Variants in EIF2S1 observed in about 807,000 individuals in gnomAD.
EIF2S1 encodes eukaryotic translation initiation factor 2 subunit 1.
A neutral mutation model predicts 33.5 loss-of-function variants in EIF2S1; 5 were observed. The observed-to-expected ratio is 0.15, with a 90% CI of 0.08 to 0.31. The LOEUF is 0.31. EIF2S1 is among the 10% of genes least tolerant of loss of function. EIF2S1 has a pLI of 1.00. For synonymous variants in EIF2S1, 99 were observed against 127.5 expected, an observed-to-expected ratio of 0.78 and a Z score of 1.51; for missense variants, 191 against 384.6, an observed-to-expected ratio of 0.50 and a Z score of 4.21.
At chr14:67,364,365 C>T (rs1379351124) in intron 1 of EIF2S1, 1 of 160,288 alleles carries the variant, frequency 6.2e-6, no homozygotes, top group Non-Finnish European at 1.4e-5. Flanking sequence ...TGTTTGCTCA[C>T]TTCGGCAAAG....
At chr14:67,373,932 A>T (rs1235249042) in intron 2 of EIF2S1, among the ~76,000 whole-genome samples, 2 of 151,822 alleles carry the variant, frequency 1.3e-5, no homozygotes, top group Non-Finnish European at 2.9e-5. Context: ...GAATTTTCCT[A>T]TTCTGGAGAA....
chr14:67,360,413 A>C lies in EIF2S1; in HGVS notation c.-45A>C, dbSNP rs568772373. On this transcript the variant is annotated 5_prime_UTR_variant, in exon 1 of 8. Coordinates refer to ENST00000256383, the MANE Select transcript of EIF2S1 (RefSeq NM_004094.5). ...CAAGTCTGGTCTCTGTGATTGAAGA[A>C]GTCGGCTCTGGGCTCCAGTGCGGGA... The C allele has an allele frequency of 2.5e-6, 1 of 394,014 alleles. No individual in the cohort carries two copies. The highest frequency in any genetic ancestry group is 2.1e-5 in the African/African-American group (1 of 48,648). 24.4% of individuals were successfully genotyped at this position (394,014 alleles called of 1,614,324 possible). A position where few individuals can be genotyped will look rare whatever the true frequency, so the allele number is the denominator to read the frequency against.
At chr14:67,375,913 A>T (rs1242278331) in intron 3 of EIF2S1, among the ~76,000 whole-genome samples, 1 of 152,206 alleles carries the variant, frequency 6.6e-6, no homozygotes, top group African/African-American at 2.4e-5. Flanking sequence ...TTAAAATGGA[A>T]GAGTTATTCA....
chr14:67,369,817 A>G (rs189967038), intron 2 of EIF2S1, among the ~76,000 whole-genome samples: 2 of 152,336 alleles, frequency 1.3e-5, no homozygotes, highest in East Asian at 3.9e-4. Context: ...AGAAGATAAA[A>G]GAAAGGAAAG....
rs192536459 is a variant in EIF2S1 at position 67,361,785 on chromosome 14, G to A, written c.-2+1329G>A. On this transcript the variant is annotated intron_variant, in intron 1 of 7. Transcript: ENST00000256383. ...TAGCATGTTGTGATATTGAGGTTCT[G>A]TGGGTTAAAGACATTCTGGATTTGA... 1.8e-4 allele frequency among the ~76,000 whole-genome samples: 28 copies of A among 152,340 alleles called. No homozygotes were observed. In the East Asian group the frequency reaches 5.0e-3, roughly 27 times the overall value.
Position 67,365,008 on chromosome 14 carries a change from G to A in EIF2S1, c.241G>A (p.Gly81Arg), listed in dbSNP as rs1327300008. Residue 81 changes from glycine to arginine, a missense_variant and splice_region_variant, in exon 2 of 8, where the codon GGA becomes AGA. Gly to Arg is a moderately radical substitution (Grantham distance 125). Transcript: ENST00000256383. ...TGTCATTAGGGTGGACAAAGAAAAA[G>A]GTAAGTGAGAAAAATATCTGTAATA... ...VVVIRVDKEK[G>R]YIDLSKRRVS... 2 of 1,575,324 alleles carry A rather than the reference G, an allele frequency of 1.3e-6. No individual in the cohort carries two copies. Among genetic ancestry groups the A allele is most frequent in the Non-Finnish European group, 1.7e-6 (2 of 1,159,230 alleles).
intron 2 of EIF2S1, among the ~76,000 whole-genome samples, chr14:67,373,431 G>A (rs1315556359): frequency 5.9e-5 from 9 of 152,142 alleles, no homozygotes; most frequent in Non-Finnish European, 1.3e-4. Context: ...GATGTGAAAG[G>A]GCATTTGACA....
At chr14:67,383,285 C>G (rs764350898) in intron 7 of EIF2S1, 30 bp from the exon 8 acceptor site, 1 of 1,608,336 alleles carries the variant, frequency 6.2e-7, no homozygotes, top group Non-Finnish European at 8.5e-7. Context: ...TTTACTACTT[C>G]AGTTTGAAAT....
At chr14:67,364,222 T>G (rs2085759912) in intron 1 of EIF2S1, 2 of 152,184 alleles carry the variant, frequency 1.3e-5, no homozygotes. Flanking sequence ...TAAAATTTTT[T>G]TAGTTTTTGT....
At chr14:67,364,697 G>A (rs2085762637) in intron 1 of EIF2S1, 70 bp from the exon 2 acceptor site, 1 of 1,434,100 alleles carries the variant, frequency 7.0e-7, no homozygotes, top group East Asian at 2.5e-5. Context: ...GTGGCAGGAT[G>A]TGGAAATTGA....
Position 67,384,270 on chromosome 14 carries a change from A to G in EIF2S1, c.*830A>G, listed in dbSNP as rs907692131. 7 of 151,856 alleles carry G rather than the reference A, an allele frequency of 4.6e-5. No homozygotes were observed. The highest frequency in any genetic ancestry group is 4.6e-4 in the Admixed American group (7 of 15,252). The allele number at this position is 151,856 out of a possible 1,614,324, so 9.4% of individuals were successfully genotyped here. A position where few individuals can be genotyped will look rare whatever the true frequency, so the allele number is the denominator to read the frequency against. The stretch of plus-strand genomic sequence containing the variant: ...TTTTATTTAGTTGGAATATCACCCA[A>G]TTTTTTATTTTTATTGCTATTAAAA... On this transcript the variant is annotated 3_prime_UTR_variant, in exon 8 of 8. Transcript: ENST00000256383.
In EIF2S1 at chr14:67,364,704, T is replaced by C. The variant is rs561223403; in HGVS notation, c.-1-63T>C. On this transcript the variant is annotated intron_variant, in intron 1 of 7. Transcript: ENST00000256383. Reference sequence around the variant, plus strand: ...TTCTTTCAGTGGCAGGATGTGGAAATTGATTTTTTTTTTATTTTCACCTTA... The same window carrying C: ...TTCTTTCAGTGGCAGGATGTGGAAACTGATTTTTTTTTTATTTTCACCTTA... The C allele has an allele frequency of 2.0e-5, 30 of 1,481,342 alleles. No homozygotes were observed. In the African/African-American group the frequency reaches 4.2e-4, roughly 21 times the overall value. 91.8% of individuals were successfully genotyped at this position (1,481,342 alleles called of 1,614,324 possible). A position where few individuals can be genotyped will look rare whatever the true frequency, so the allele number is the denominator to read the frequency against.
At chr14:67,380,511 A>G in intron 4 of EIF2S1, 148 bp from the exon 5 acceptor site, 1 of 417,674 alleles carries the variant, frequency 2.4e-6, no homozygotes, top group Non-Finnish European at 4.3e-6. Context: ...TAAGATTTGA[A>G]TTCTAATTGT....
intron 1 of EIF2S1, among the ~76,000 whole-genome samples, chr14:67,363,327 G>T (rs189524955): frequency 1.5e-4 from 23 of 151,514 alleles, no homozygotes; most frequent in African/African-American, 5.1e-4. Context: ...TAGGGATTTT[G>T]TATTCCCTAC....
chr14:67,361,443 A>T (rs2085740041), intron 1 of EIF2S1, among the ~76,000 whole-genome samples: 1 of 152,206 alleles, frequency 6.6e-6, no homozygotes, highest in South Asian at 2.1e-4. Flanking sequence ...AACTATAATG[A>T]TGAAATAAAA....
At chr14:67,380,127 T>C (rs748785273) in intron 4 of EIF2S1, among the ~76,000 whole-genome samples, 1 of 152,210 alleles carries the variant, frequency 6.6e-6, no homozygotes, top group Non-Finnish European at 1.5e-5. Flanking sequence ...TTTTAGTCTT[T>C]ATTTCATATT....
At chr14:67,376,364 T>C (rs1341120509) in intron 3 of EIF2S1, 75 bp from the exon 4 acceptor site, 9 of 1,363,824 alleles carry the variant, frequency 6.6e-6, no homozygotes, top group African/African-American at 2.9e-5. Context: ...CAAATTATGT[T>C]ATTTACTAAA....
At chr14:67,378,027 G>A (rs935873068) in intron 4 of EIF2S1, among the ~76,000 whole-genome samples, 1 of 151,868 alleles carries the variant, frequency 6.6e-6, no homozygotes, top group African/African-American at 2.4e-5. Flanking sequence ...GAGGCAGGAG[G>A]ATCACTTGAG....
intron 7 of EIF2S1, among the ~76,000 whole-genome samples, chr14:67,383,101 AATAC>A (rs2085898514): frequency 6.6e-6 from 1 of 152,202 alleles, no homozygotes; most frequent in Non-Finnish European, 1.5e-5. Context: ...TTTCCATTTT[AATAC>A]ATACATCCTT....
Sources: allele counts gnomAD v4.1 joint callset (sites outside exome capture counted in the v4.1 genomes callset), GRCh38; gene constraint gnomAD v4.1.1; transcripts MANE v1.5; gene names NCBI Gene and HGNC (gene_info 2026-07-23, HGNC 2026-07-21).